Variants in KCNK10 observed in about 807,000 individuals in gnomAD.
KCNK10 encodes potassium two pore domain channel subfamily K member 10, also known as potassium channel subfamily K member 10.
KCNK10 carries 25 observed loss-of-function variants against 47.7 expected under a neutral mutation model. The ratio of observed to expected loss-of-function variants is 0.52; its 90% confidence interval spans 0.38 to 0.73. The LOEUF is 0.73. Among genes scored for constraint, KCNK10 ranks in the 30% least tolerant of loss-of-function variants. KCNK10 has a pLI of 0.00. For missense variants in KCNK10, 563 were observed against 714.5 expected (o/e 0.79, Z 2.42); for synonymous variants, 303 against 285.6 (o/e 1.06, Z -0.61).
chr14:88,251,566 C>T lies in KCNK10; in HGVS notation c.403-10746G>A, dbSNP rs544987844. 9.2e-5 allele frequency among the ~76,000 whole-genome samples: 14 copies of T among 152,238 alleles called. No homozygotes were observed. The East Asian group carries it at 2.5e-3, about 27-fold the overall frequency. On this transcript the variant is annotated intron_variant, in intron 2 of 6. Transcript: ENST00000319231. ...CCAGAGCAAAACACTTAGCAGAGTG[C>T]CACAGTTGCCACTCCATAAATGTTT...
chr14:88,290,066 T>C (rs568508829), intron 1 of KCNK10, among the ~76,000 whole-genome samples: 1 of 152,348 alleles, frequency 6.6e-6, no homozygotes, highest in African/African-American at 2.4e-5. Flanking sequence ...GTCCATGTCC[T>C]GATCCCTGGA....
intron 1 of KCNK10, among the ~76,000 whole-genome samples, chr14:88,267,235 T>C (rs1887284049): frequency 6.6e-6 from 1 of 152,190 alleles, no homozygotes; most frequent in Admixed American, 6.5e-5. Flanking sequence ...CCGGCACAGA[T>C]CTCAGAATGT....
At chr14:88,202,889 C>T (rs1034989035) in intron 4 of KCNK10, among the ~76,000 whole-genome samples, 1 of 152,192 alleles carries the variant, frequency 6.6e-6, no homozygotes, top group Non-Finnish European at 1.5e-5. Context: ...CTGTGCACAG[C>T]CCAGCTCTCA....
chr14:88,253,341 A>G (rs1331640107), intron 2 of KCNK10, among the ~76,000 whole-genome samples: 1 of 152,188 alleles, frequency 6.6e-6, no homozygotes. Context: ...AATCTAGTAT[A>G]TAGTTTCAAA....
At chr14:88,239,861 AAAAAT>A (rs147985522) in intron 3 of KCNK10, among the ~76,000 whole-genome samples, 2,859 of 144,546 alleles carry the variant, frequency 0.02, 38 homozygotes, top group Non-Finnish European at 0.023. Context: ...CTCCATCTCA[AAAAAT>A]AAAATAAAAT....
intron 1 of KCNK10, among the ~76,000 whole-genome samples, chr14:88,315,320 C>T (rs1888408318): frequency 6.6e-6 from 1 of 152,158 alleles, no homozygotes; most frequent in African/African-American, 2.4e-5. Context: ...ACATGGGTAA[C>T]AACACTCCCC....
chr14:88,283,159 C>T (rs1887686715), intron 1 of KCNK10, among the ~76,000 whole-genome samples: 1 of 152,102 alleles, frequency 6.6e-6, no homozygotes, highest in African/African-American at 2.4e-5. Context: ...CACTTTCCAT[C>T]AGGAAAACTT....
intron 2 of KCNK10, among the ~76,000 whole-genome samples, chr14:88,244,611 T>C (rs970345436): frequency 1.1e-4 from 16 of 151,732 alleles, no homozygotes; most frequent in Middle Eastern, 3.4e-3. Context: ...GAGCTTGCAG[T>C]GAGCCGAGAT....
chr14:88,280,773 G>T (rs1887634292), intron 1 of KCNK10, among the ~76,000 whole-genome samples: 1 of 151,912 alleles, frequency 6.6e-6, no homozygotes, highest in Non-Finnish European at 1.5e-5. Context: ...ACTTCCCTCT[G>T]TCCCCCTGGC....
Position 88,323,028 on chromosome 14 carries a change from GC to G in KCNK10, c.-231del, listed in dbSNP as rs1888581950. On this transcript the variant is annotated 5_prime_UTR_variant, in exon 1 of 7. Transcript: ENST00000319231. Reference sequence around the variant, plus strand: ...ACCGGCCAGGGGGTGGCCGGCCGCGGCCCCGTGGGTAAAAGAAAAAGTAAGA... The same window carrying G: ...ACCGGCCAGGGGGTGGCCGGCCGCGGCCCGTGGGTAAAAGAAAAAGTAAGA... 4 of 1,348,388 alleles carry G rather than the reference GC, an allele frequency of 3.0e-6. No individual in the cohort carries two copies. Among genetic ancestry groups the G allele is most frequent in the African/African-American group, 3.0e-5 (2 of 67,740 alleles). The allele number at this position is 1,348,388 out of a possible 1,614,324, so 83.5% of individuals were successfully genotyped here.
chr14:88,236,015 A>G lies in KCNK10; in HGVS notation c.520+4688T>C, dbSNP rs1195355945. The stretch of plus-strand genomic sequence containing the variant: ...ACAGAAGAGCAACACCTGTGAGACC[A>G]GTTAAAAAGAAAATGTAAAGCCAGG... On this transcript the variant is annotated intron_variant, in intron 3 of 6. Coordinates refer to ENST00000319231, the MANE Select transcript of KCNK10 (RefSeq NM_138317.3). Among the ~76,000 whole-genome samples the G allele has an allele frequency of 1.3e-5, 2 of 152,222 alleles. 1 individual carries two copies. Among genetic ancestry groups the G allele is most frequent in the East Asian group, 3.9e-4 (2 of 5,194 alleles).
intron 1 of KCNK10, among the ~76,000 whole-genome samples, chr14:88,271,886 T>C (rs371392): frequency 0.97 from 146,607 of 151,268 alleles, 71,212 homozygotes; most frequent in East Asian, 1. Flanking sequence ...CCCTGATTTT[T>C]CCCCAAATCT....
intron 2 of KCNK10, among the ~76,000 whole-genome samples, chr14:88,262,829 T>C (rs1887147539): frequency 6.6e-6 from 1 of 152,194 alleles, no homozygotes; most frequent in Admixed American, 6.5e-5. Context: ...CCCTGCTTAT[T>C]CTAAATCTGC....
chr14:88,192,993 G>A (rs1053167776), intron 4 of KCNK10, among the ~76,000 whole-genome samples: 12 of 152,074 alleles, frequency 7.9e-5, no homozygotes, highest in African/African-American at 2.2e-4. Flanking sequence ...GTGTTTCTTC[G>A]CCCCCACATT....
At chr14:88,255,835 G>A (rs1886939745) in intron 2 of KCNK10, among the ~76,000 whole-genome samples, 2 of 151,964 alleles carry the variant, frequency 1.3e-5, no homozygotes, top group African/African-American at 4.8e-5. Context: ...ACTCCAGTGT[G>A]GGTAAGAGAG....
intron 1 of KCNK10, among the ~76,000 whole-genome samples, chr14:88,269,313 A>C (rs1001800227): frequency 6.6e-6 from 1 of 152,210 alleles, no homozygotes; most frequent in African/African-American, 2.4e-5. Context: ...TTCAATCAAC[A>C]AACAACTGAG....
chr14:88,326,617 G>C, upstream of KCNK10: 2 of 605,458 alleles, frequency 3.3e-6, 1 homozygote, highest in South Asian at 4.1e-5. Flanking sequence ...GCACTCGCCG[G>C]CCCCCAGCAG....
intron 3 of KCNK10, among the ~76,000 whole-genome samples, chr14:88,233,897 A>G (rs1008447745): frequency 1.3e-5 from 2 of 152,234 alleles, no homozygotes; most frequent in African/African-American, 4.8e-5. Context: ...AGTTTCCTTC[A>G]ATATACACAC....
intron 4 of KCNK10, among the ~76,000 whole-genome samples, chr14:88,209,387 T>C (rs1885384653): frequency 6.6e-6 from 1 of 152,216 alleles, no homozygotes; most frequent in African/African-American, 2.4e-5. Flanking sequence ...TGAGCACATC[T>C]GCGTGAACAC....
Sources: gnomAD v4.1 joint callset for allele counts (sites outside exome capture counted in the v4.1 genomes callset) on GRCh38, gnomAD v4.1.1 for gene constraint, MANE v1.5 for transcripts, NCBI Gene and HGNC (gene_info 2026-07-23, HGNC 2026-07-21) for gene names.